Variants in PDE9A observed in about 807,000 individuals in gnomAD.
The protein encoded by PDE9A is phosphodiesterase 9A, also known as high affinity cGMP-specific 3',5'-cyclic phosphodiesterase 9A.
In PDE9A, 60 loss-of-function variants were observed where a neutral mutation model predicts 87.4. The ratio of observed to expected loss-of-function variants is 0.69; its 90% CI spans 0.56 to 0.85. The LOEUF is 0.85. Ranked by LOEUF, PDE9A falls within the 40% of genes least tolerant of loss-of-function variation. The pLI, the probability that PDE9A is intolerant of heterozygous loss-of-function variation, is 0.00. For synonymous variants in PDE9A, 272 were observed against 279.4 expected (o/e 0.97, Z 0.27); for missense variants, 665 against 779.0 (o/e 0.85, Z 1.74).
chr21:42,739,438 G>A lies in PDE9A; in HGVS notation c.569-4338G>A, dbSNP rs2052866124. On this transcript the variant is annotated intron_variant, in intron 7 of 19. Coordinates refer to ENST00000291539, the MANE Select transcript of PDE9A (RefSeq NM_002606.3). The surrounding 1 kb of genome is among the most constrained non-coding windows in gnomAD (Gnocchi z 4.1). ...GGAGTGAGGAGGCAGGACCCCCGGG[G>A]ACACAGGCACACACATCCACCACAT... Among the ~76,000 whole-genome samples the A allele has an allele frequency of 2.0e-5, 3 of 152,184 alleles. 1 individual carries two copies. The highest frequency in any genetic ancestry group is 4.1e-4 in the South Asian group (2 of 4,826).
At chr21:42,679,938 A>C (rs3819903) in intron 1 of PDE9A, among the ~76,000 whole-genome samples, 3,470 of 152,290 alleles carry the variant, frequency 0.023, 167 homozygotes, top group East Asian at 0.2. Flanking sequence ...CAGTTCAAGA[A>C]GATCTGCGTT....
intron 1 of PDE9A, among the ~76,000 whole-genome samples, chr21:42,654,866 C>T (rs936373653): frequency 6.6e-6 from 1 of 152,174 alleles, no homozygotes; most frequent in African/African-American, 2.4e-5. Flanking sequence ...CACCGTAGCC[C>T]GCTTTGAGAG....
chr21:42,733,435 C>T lies in PDE9A; in HGVS notation c.568+9C>T, dbSNP rs200129278. 3.6e-4 allele frequency: 558 copies of T among 1,558,150 alleles called. No individual in the cohort carries two copies. Among genetic ancestry groups the T allele is most frequent in the Middle Eastern group, 5.0e-4 (3 of 5,964 alleles). ...AGAGAAACGCGTGGAATGTGAGTGACGTTTCTGTTTCCTTTTTGCTTCTCT... is the reference window on the plus strand; with the variant it reads ...AGAGAAACGCGTGGAATGTGAGTGATGTTTCTGTTTCCTTTTTGCTTCTCT... On this transcript the variant is annotated intron_variant, in intron 7 of 19. Transcript: ENST00000291539.
intron 16 of PDE9A, 47 bp downstream of exon 16, chr21:42,768,339 C>A: frequency 8.1e-7 from 1 of 1,240,426 alleles, no homozygotes; most frequent in Non-Finnish European, 1.2e-6. Context: ...TCTTATTAGC[C>A]CCACTTAGTA....
intron 19 of PDE9A, among the ~76,000 whole-genome samples, chr21:42,773,731 G>C (rs1980168479): frequency 6.6e-6 from 1 of 150,904 alleles, no homozygotes; most frequent in African/African-American, 2.4e-5. Context: ...AACCCAGGAG[G>C]CGGAGATTGC....
At chr21:42,706,194 C>T (rs937048361) in intron 4 of PDE9A, among the ~76,000 whole-genome samples, 4 of 152,174 alleles carry the variant, frequency 2.6e-5, no homozygotes, top group African/African-American at 4.8e-5. Flanking sequence ...ACAGTCCAGC[C>T]GCAGTCCAGA....
At chr21:42,670,284 CAT>C (rs573129518) in intron 1 of PDE9A, among the ~76,000 whole-genome samples, 1,706 of 150,950 alleles carry the variant, frequency 0.011, 40 homozygotes, top group African/African-American at 0.036. Context: ...CACATTCACA[CAT>C]ACACATTCAC....
chr21:42,672,283 A>C (rs1283519112), intron 1 of PDE9A, among the ~76,000 whole-genome samples: 1 of 151,110 alleles, frequency 6.6e-6, no homozygotes, highest in Non-Finnish European at 1.5e-5. Context: ...GAGGGCCTGG[A>C]GCAGGGCCAG....
intron 8 of PDE9A, among the ~76,000 whole-genome samples, chr21:42,746,477 C>T (rs1023381081): frequency 6.6e-6 from 1 of 152,182 alleles, no homozygotes; most frequent in African/African-American, 2.4e-5. Flanking sequence ...CCTGCTTCTT[C>T]ACCTGGTGCT....
At chr21:42,717,804 T>C (rs2050095704) in intron 4 of PDE9A, among the ~76,000 whole-genome samples, 1 of 151,814 alleles carries the variant, frequency 6.6e-6, no homozygotes, top group Middle Eastern at 3.2e-3. Flanking sequence ...ACTCACTTTC[T>C]TTCTGGCCTC....
chr21:42,726,618 A>ATTTT (rs1486108848), intron 4 of PDE9A, among the ~76,000 whole-genome samples: 16 of 23,040 alleles, frequency 6.9e-4, no homozygotes, highest in Non-Finnish European at 1.0e-3. Context: ...ATATATATAT[A>ATTTT]TATATATTTT....
intron 19 of PDE9A, among the ~76,000 whole-genome samples, chr21:42,773,278 A>AC (rs1569287269): frequency 6.6e-6 from 1 of 150,506 alleles, no homozygotes; most frequent in East Asian, 2.0e-4. Flanking sequence ...AAAAAAAAAA[A>AC]AGTGAGGCTC....
intron 8 of PDE9A, among the ~76,000 whole-genome samples, chr21:42,749,423 G>A (rs1484458415): frequency 6.6e-6 from 1 of 152,060 alleles, no homozygotes; most frequent in Non-Finnish European, 1.5e-5. Flanking sequence ...CAGCCCCCTG[G>A]TGCACTCTGC....
intron 8 of PDE9A, among the ~76,000 whole-genome samples, chr21:42,746,107 C>T (rs916013451): frequency 7.2e-5 from 11 of 152,226 alleles, no homozygotes; most frequent in African/African-American, 1.2e-4. Context: ...AGACAGCCTC[C>T]GGCCTCACAG....
At chr21:42,689,566 A>C (rs13046735) in intron 3 of PDE9A, 41,905 of 985,382 alleles carry the variant, frequency 0.043, 1,750 homozygotes, top group African/African-American at 0.2. Flanking sequence ...CCAGCTGGGT[A>C]TCTGAGAGAA....
At chr21:42,708,588 C>T (rs935040128) in intron 4 of PDE9A, among the ~76,000 whole-genome samples, 5 of 152,088 alleles carry the variant, frequency 3.3e-5, no homozygotes, top group Non-Finnish European at 7.4e-5. Context: ...GAGTTTCGCT[C>T]TTGTTGCCGA....
Position 42,710,433 on chromosome 21 carries a change from A to G in PDE9A, c.262+11422A>G, listed in dbSNP as rs149952616. Among the ~76,000 whole-genome samples, 698 of 151,504 alleles carry G rather than the reference A, an allele frequency of 4.6e-3. 1 individual carries two copies. The highest frequency in any genetic ancestry group is 0.016 in the African/African-American group (663 of 41,254). ...CAAAAAAAAAAAAAAAAGAAAGAAA[A>G]AAAGAAACTGCCAAGCTGTTCTACC... On this transcript the variant is annotated intron_variant, in intron 4 of 19. Coordinates refer to ENST00000291539, the MANE Select transcript of PDE9A (RefSeq NM_002606.3).
At chr21:42,663,107 C>T (rs111167012) in intron 1 of PDE9A, among the ~76,000 whole-genome samples, 7,966 of 149,180 alleles carry the variant, frequency 0.053, 584 homozygotes, top group African/African-American at 0.17. Context: ...ACCACATACA[C>T]GCACATCACA....
At chr21:42,655,853 C>T (rs922736152) in intron 1 of PDE9A, among the ~76,000 whole-genome samples, 13 of 151,132 alleles carry the variant, frequency 8.6e-5, no homozygotes, top group African/African-American at 3.2e-4. Context: ...GTTGCTTGCT[C>T]CTGAGCTGCC....
Sources: gnomAD v4.1 joint callset for allele counts (sites outside exome capture counted in the v4.1 genomes callset) on GRCh38, gnomAD v4.1.1 for gene constraint, Gnocchi (gnomAD v3.1) non-coding constraint, MANE v1.5 for transcripts, NCBI Gene and HGNC (gene_info 2026-07-23, HGNC 2026-07-21) for gene names.